MACROD2: variants seen among roughly 807,000 people sequenced by gnomAD.
The protein encoded by MACROD2 is mono-ADP ribosylhydrolase 2, also known as ADP-ribose glycohydrolase MACROD2.
In MACROD2, 36 loss-of-function variants were observed where a neutral mutation model predicts 70.4. That is an observed-to-expected ratio of 0.51 (90% CI 0.39 to 0.68). MACROD2 has a LOEUF of 0.68. Ranked by LOEUF, MACROD2 falls within the 30% of genes least tolerant of loss-of-function variation. MACROD2 has a pLI of 0.00. For missense variants in MACROD2, 496 were observed against 538.4 expected, an observed-to-expected ratio of 0.92 and a Z score of 0.78; for synonymous variants, 172 against 178.8, an observed-to-expected ratio of 0.96 and a Z score of 0.30.
intron 5 of MACROD2, among the ~76,000 whole-genome samples, chr20:14,899,452 T>C (rs561062507): frequency 1.4e-4 from 22 of 152,204 alleles, no homozygotes; most frequent in Middle Eastern, 6.8e-3. Flanking sequence ...TCCCCTACCT[T>C]TTGGTGGGTT....
intron 8 of MACROD2, among the ~76,000 whole-genome samples, chr20:15,536,785 C>T (rs1211964444): frequency 6.6e-6 from 1 of 152,072 alleles, no homozygotes; most frequent in Non-Finnish European, 1.5e-5. Context: ...CGTTTCCATC[C>T]TAAGATATAC....
intron 5 of MACROD2, among the ~76,000 whole-genome samples, chr20:14,883,141 A>G (rs2073629992): frequency 6.6e-6 from 1 of 152,194 alleles, no homozygotes; most frequent in Non-Finnish European, 1.5e-5. Context: ...ATTCTCTCTC[A>G]TGTCTTTGGG....
At chr20:15,446,429 G>A (rs1017112468) in intron 7 of MACROD2, among the ~76,000 whole-genome samples, 7 of 152,154 alleles carry the variant, frequency 4.6e-5, no homozygotes, top group African/African-American at 7.2e-5. Context: ...AAGCAGAGGC[G>A]TTTTGCAACC....
At chr20:14,906,188 T>C (rs1019233905) in intron 5 of MACROD2, among the ~76,000 whole-genome samples, 2 of 152,146 alleles carry the variant, frequency 1.3e-5, no homozygotes, top group African/African-American at 4.8e-5. Flanking sequence ...AAGATAGTTA[T>C]ATATGTACTT....
chr20:15,570,161 G>T (rs1021319847), intron 8 of MACROD2, among the ~76,000 whole-genome samples: 20 of 152,222 alleles, frequency 1.3e-4, no homozygotes, highest in African/African-American at 4.8e-4. Context: ...CACAGATGGT[G>T]TGCAAGGGTT....
intron 5 of MACROD2, among the ~76,000 whole-genome samples, chr20:14,976,373 C>G (rs1288127390): frequency 1.3e-5 from 2 of 152,078 alleles, no homozygotes; most frequent in Non-Finnish European, 2.9e-5. Context: ...TATGTGGACC[C>G]TTCTTCTATC....
chr20:14,771,786 T>C (rs542018221), intron 5 of MACROD2, among the ~76,000 whole-genome samples: 1 of 151,840 alleles, frequency 6.6e-6, no homozygotes, highest in East Asian at 1.9e-4. Context: ...TGTATATATG[T>C]ATGTGTATAT....
At chr20:14,698,688 G>A (rs1441150763) in intron 5 of MACROD2, among the ~76,000 whole-genome samples, 1 of 150,240 alleles carries the variant, frequency 6.7e-6, no homozygotes, top group African/African-American at 2.4e-5. Context: ...CATATTCTAG[G>A]AACATATTCA....
chr20:14,172,716 G>T (rs184813326), intron 3 of MACROD2, among the ~76,000 whole-genome samples: 6 of 152,018 alleles, frequency 3.9e-5, no homozygotes, highest in African/African-American at 1.2e-4. Context: ...GAATACCTTG[G>T]TTTTTTTCAT....
At chr20:14,328,081 A>G in intron 3 of MACROD2, among the ~76,000 whole-genome samples, 1 of 152,228 alleles carries the variant, frequency 6.6e-6, no homozygotes, top group East Asian at 1.9e-4. Flanking sequence ...CTTCATACTC[A>G]GGAATAGTTA....
intron 5 of MACROD2, among the ~76,000 whole-genome samples, chr20:14,802,631 A>G (rs1039404497): frequency 3.3e-5 from 5 of 152,082 alleles, no homozygotes; most frequent in Admixed American, 2.0e-4. Context: ...CATACCTTCT[A>G]TGAAGTAAAT....
At chr20:15,674,583 A>G (rs2050028953) in intron 8 of MACROD2, among the ~76,000 whole-genome samples, 1 of 152,078 alleles carries the variant, frequency 6.6e-6, no homozygotes, top group African/African-American at 2.4e-5. Context: ...TCCCATAATC[A>G]TTAACACCTT....
intron 8 of MACROD2, among the ~76,000 whole-genome samples, chr20:15,682,519 A>G (rs910043944): frequency 3.9e-5 from 6 of 152,188 alleles, no homozygotes; most frequent in African/African-American, 1.4e-4. Flanking sequence ...CCATTGTCTA[A>G]ATGCAAAGAT....
Position 14,898,499 on chromosome 20 carries a change from C to T in MACROD2, c.418+213540C>T, listed in dbSNP as rs7268914. On this transcript the variant is annotated intron_variant, in intron 5 of 17. Coordinates refer to ENST00000684519, the MANE Select transcript of MACROD2 (RefSeq NM_001351661.2). ...ATCCCAGCACTTTGGGAGGCCGAGG[C>T]GGGCAGATCACGAGGCCAGGAGTTC... Among the ~76,000 whole-genome samples the T allele has an allele frequency of 7.0e-3, 1,061 of 152,178 alleles. 8 individuals carry two copies. Among genetic ancestry groups the T allele is most frequent in the African/African-American group, 0.024 (1,004 of 41,516 alleles).
At chr20:14,844,523 A>G (rs1375186120) in intron 5 of MACROD2, among the ~76,000 whole-genome samples, 1 of 152,004 alleles carries the variant, frequency 6.6e-6, no homozygotes, top group African/African-American at 2.4e-5. Context: ...TCTCAAAAAA[A>G]TAAAAAATAA....
At chr20:14,907,398 T>A (rs1600803726) in intron 5 of MACROD2, among the ~76,000 whole-genome samples, 1 of 152,168 alleles carries the variant, frequency 6.6e-6, no homozygotes, top group Non-Finnish European at 1.5e-5. Context: ...TTGAATTCTT[T>A]CCTGGATGAA....
rs527468750 is a variant in MACROD2 at position 14,043,956 on chromosome 20, G to T, written c.163+41552G>T. 2.0e-5 allele frequency among the ~76,000 whole-genome samples: 3 copies of T among 152,304 alleles called. No individual in the cohort carries two copies. The East Asian group carries it at 5.8e-4, about 29-fold the overall frequency. ...CCTGCATAAAGCCAGGATTCTTCAC[G>T]ATAAGGCTTCAGTGAAAGGGAGCCT... On this transcript the variant is annotated intron_variant, in intron 2 of 17. Transcript: ENST00000684519.
Position 15,793,911 on chromosome 20 carries a change from A to T in MACROD2, c.646-68834A>T, listed in dbSNP as rs558425918. On this transcript the variant is annotated intron_variant, in intron 8 of 17. Transcript: ENST00000684519. Reference sequence around the variant, plus strand: ...CATTATTTTATATAATATATAATATAAAAATTAGTGGCAAATATAAAAGAT... The same window carrying T: ...CATTATTTTATATAATATATAATATTAAAATTAGTGGCAAATATAAAAGAT... Among the ~76,000 whole-genome samples, 677 of 147,508 alleles carry T rather than the reference A, an allele frequency of 4.6e-3. 3 individuals carry two copies. Among genetic ancestry groups the T allele is most frequent in the Middle Eastern group, 0.011 (3 of 276 alleles).
chr20:15,725,320 C>CT (rs1418535913), intron 8 of MACROD2, among the ~76,000 whole-genome samples: 1 of 151,944 alleles, frequency 6.6e-6, no homozygotes, highest in African/African-American at 2.4e-5. Flanking sequence ...AGATTTATAT[C>CT]TAAGTATTTC....
Sources: allele counts gnomAD v4.1 joint callset (sites outside exome capture counted in the v4.1 genomes callset), GRCh38; gene constraint gnomAD v4.1.1; transcripts MANE v1.5; gene names NCBI Gene and HGNC (gene_info 2026-07-23, HGNC 2026-07-21).